The following PTPRH variants were observed in gnomAD, a reference collection of about 807,000 sequenced individuals.
The protein encoded by PTPRH is receptor-type tyrosine-protein phosphatase H.
A neutral mutation model predicts 130.2 loss-of-function variants in PTPRH; 113 were observed. The observed-to-expected ratio is 0.87, with a 90% CI of 0.75 to 1.01. PTPRH has a LOEUF of 1.01. Ranked by LOEUF, PTPRH falls within the 50% of genes least tolerant of loss-of-function variation. The pLI, the probability that PTPRH is intolerant of heterozygous loss-of-function variation, is 0.00. For missense variants in PTPRH, 1,430 were observed against 1,425.0 expected, an observed-to-expected ratio of 1.00 and a Z score of -0.06; for synonymous variants, 556 against 577.9, an observed-to-expected ratio of 0.96 and a Z score of 0.54.
At chr19:55,189,346 C>T (rs527456104) in intron 12 of PTPRH, among the ~76,000 whole-genome samples, 1 of 152,314 alleles carries the variant, frequency 6.6e-6, no homozygotes, top group East Asian at 1.9e-4. Context: ...ACATGTTAGA[C>T]TGTGTCACTA....
chr19:55,187,989 G>T (rs764438581), intron 13 of PTPRH, 89 bp downstream of exon 13: 82 of 770,548 alleles, frequency 1.1e-4, no homozygotes, highest in Non-Finnish European at 1.6e-4. Context: ...GCTTAATCCC[G>T]AAAGCCGTGA....
At position 55,196,552 on chromosome 19, in the gene PTPRH, G is replaced by A; in HGVS notation, c.2227C>T (p.His743Tyr). ...TIWDGMKVVS[H>Y]SVVCHTESAG... ...CTCTCGGTGTGGCAGACCACAGAGTGAGACACGACCTTCATTCCGTCCCAG... is the reference window on the plus strand; with the variant it reads ...CTCTCGGTGTGGCAGACCACAGAGTAAGACACGACCTTCATTCCGTCCCAG... The change falls in exon 10 of 20, where the codon CAC becomes TAC. Residue 743 changes from histidine (H) to tyrosine (Y), a missense_variant. Coordinates refer to ENST00000376350, the MANE Select transcript of PTPRH (RefSeq NM_002842.5). 1 of 1,612,902 alleles carries A rather than the reference G, an allele frequency of 6.2e-7. No individual in the cohort carries two copies.
At chr19:55,195,520 C>A (rs555337185) in intron 10 of PTPRH, among the ~76,000 whole-genome samples, 1 of 152,102 alleles carries the variant, frequency 6.6e-6, no homozygotes, top group Non-Finnish European at 1.5e-5. Context: ...AACAAAAAAA[C>A]AAATTATGCT....
chr19:55,209,264 T>G lies in PTPRH; in HGVS notation c.51+119A>C. 2.3e-6 allele frequency: 2 copies of G among 877,462 alleles called. No individual in the cohort carries two copies. The highest frequency in any genetic ancestry group is 3.7e-6 in the Non-Finnish European group (2 of 535,668). The allele number at this position is 877,462 out of a possible 1,614,324, so 54.4% of individuals were successfully genotyped here. A position where few individuals can be genotyped will look rare whatever the true frequency, so the allele number is the denominator to read the frequency against. ...TCTGCCAAGCCTGAAGCCCTCTTCC[T>G]TCTCCAGGGGATCTTCAGCACCTAC... On this transcript the variant is annotated intron_variant, in intron 1 of 19. Transcript: ENST00000376350. The surrounding 1 kb of genome is among the most constrained non-coding windows in gnomAD (Gnocchi z 4.1).
Position 55,181,775 on chromosome 19 carries a change from C to T in PTPRH, c.3327G>A (p.Gln1109=). 6.2e-7 allele frequency: 1 copy of T among 1,614,152 alleles called. No individual in the cohort carries two copies. Among genetic ancestry groups the T allele is most frequent in the Non-Finnish European group, 8.5e-7 (1 of 1,180,040 alleles). ...TCACTTAGACCTCCAACTTGTGGGCCTGGATGGCGGCCACGTTCTCGTAGA... is the reference window on the plus strand; with the variant it reads ...TCACTTAGACCTCCAACTTGTGGGCTTGGATGGCGGCCACGTTCTCGTAGA... ...NLIYENVAAI[Q]AHKLEV is the part of the protein sequence containing the mutation. The change falls in exon 20 of 20, where the codon CAG becomes CAA. Residue 1109 remains glutamine (Q), a synonymous_variant. Coordinates refer to ENST00000376350, the MANE Select transcript of PTPRH (RefSeq NM_002842.5).
Position 55,200,292 on chromosome 19 carries a change from A to T in PTPRH, c.1364T>A (p.Val455Glu). 2 of 1,614,168 alleles carry T rather than the reference A, an allele frequency of 1.2e-6. No homozygotes were observed. The highest frequency in any genetic ancestry group is 1.7e-6 in the Non-Finnish European group (2 of 1,180,002). The change falls in exon 7 of 20, where the codon GTA (valine) becomes GAA (glutamate). Residue 455 changes from valine to glutamate, a missense_variant. Coordinates refer to ENST00000376350, the MANE Select transcript of PTPRH (RefSeq NM_002842.5). Reference protein sequence around the residue: ...LEPGTLYTFSVWAEKNGARGS... With the variant: ...LEPGTLYTFSEWAEKNGARGS... ...ACGTGCTCCATTTTTTTCTGCCCAT[A>T]CAGAGAATGTGTACAAGGTTCCGGG...
chr19:55,183,773 C>T (rs73935322), intron 18 of PTPRH, among the ~76,000 whole-genome samples: 2,618 of 152,224 alleles, frequency 0.017, 80 homozygotes, highest in African/African-American at 0.059. Context: ...ACACTCACAA[C>T]GCTGTGCAGC....
chr19:55,200,146 A>G, intron 7 of PTPRH, 90 bp downstream of exon 7: 1 of 1,436,052 alleles, frequency 7.0e-7, no homozygotes, highest in South Asian at 1.3e-5. Flanking sequence ...CCTACGGACT[A>G]CAGAGCCAGA....
chr19:55,194,415 A>G, intron 10 of PTPRH: 1 of 1,058,720 alleles, frequency 9.4e-7, no homozygotes, highest in South Asian at 1.6e-5. Context: ...CTGTTCTCTC[A>G]GGGATCCTTG....
chr19:55,204,190 G>T, intron 4 of PTPRH, 142 bp from the exon 5 acceptor site: 1 of 917,342 alleles, frequency 1.1e-6, no homozygotes, highest in Non-Finnish European at 1.6e-6. Context: ...CACGATCTCG[G>T]CTCACCACAG....
chr19:55,200,811 C>T (rs2086837654), intron 6 of PTPRH, among the ~76,000 whole-genome samples: 1 of 152,076 alleles, frequency 6.6e-6, no homozygotes, highest in African/African-American at 2.4e-5. Flanking sequence ...GGCGTGGTGG[C>T]TGGTGCCTGT....
chr19:55,191,946 A>G, intron 10 of PTPRH: 1 of 671,984 alleles, frequency 1.5e-6, no homozygotes, highest in Non-Finnish European at 2.7e-6. Context: ...CAGCAAGACC[A>G]GCCCCTCTCC....
intron 12 of PTPRH, among the ~76,000 whole-genome samples, chr19:55,190,637 T>C (rs1327954556): frequency 2.8e-5 from 4 of 140,432 alleles, no homozygotes; most frequent in Admixed American, 1.6e-4. Flanking sequence ...TATATATATA[T>C]AATTTTTTTT....
chr19:55,198,680 C>A lies in PTPRH; in HGVS notation c.1653G>T (p.Glu551Asp). 1 of 1,613,462 alleles carries A rather than the reference C, an allele frequency of 6.2e-7. No homozygotes were observed. The highest frequency in any genetic ancestry group is 8.5e-7 in the Non-Finnish European group (1 of 1,179,664). Residue 551 changes from glutamate to aspartate, a missense_variant, in exon 8 of 20, where the codon GAG becomes GAT. Glu to Asp is a conservative substitution (Grantham distance 45). Transcript: ENST00000376350. Reference sequence around the variant, plus strand: ...TGAGGGTGCTGTTATAGCCTCTGACCTCATTCCTCTCGGCCCAGACGGTGA... The same window carrying A: ...TGAGGGTGCTGTTATAGCCTCTGACATCATTCCTCTCGGCCCAGACGGTGA... Reference protein sequence around the residue: ...YHLTVWAERNEVRGYNSTLTA... With the variant: ...YHLTVWAERNDVRGYNSTLTA...
At chr19:55,194,704 G>A (rs570151554) in intron 10 of PTPRH, among the ~76,000 whole-genome samples, 7 of 152,234 alleles carry the variant, frequency 4.6e-5, no homozygotes, top group African/African-American at 7.2e-5. Context: ...AATAAAACCC[G>A]GGGTGGGGGG....
At chr19:55,207,135 T>C (rs1203254253) in intron 2 of PTPRH, 31 bp downstream of exon 2, 1 of 1,611,670 alleles carries the variant, frequency 6.2e-7, no homozygotes, top group East Asian at 2.2e-5. Flanking sequence ...CCTCTTCGAG[T>C]GGGCAGTGAG....
chr19:55,187,189 C>CA (rs1309899687), intron 14 of PTPRH, among the ~76,000 whole-genome samples: 4 of 142,504 alleles, frequency 2.8e-5, no homozygotes, highest in African/African-American at 5.2e-5. Flanking sequence ...ACCAAAAATA[C>CA]AAAAAATTAG....
intron 3 of PTPRH, among the ~76,000 whole-genome samples, chr19:55,206,260 A>G (rs908252351): frequency 6.6e-6 from 1 of 151,018 alleles, no homozygotes; most frequent in African/African-American, 2.4e-5. Flanking sequence ...TATCTGATGG[A>G]CTACATAAAA....
At chr19:55,183,886 A>G (rs2086246547) in intron 18 of PTPRH, among the ~76,000 whole-genome samples, 1 of 152,150 alleles carries the variant, frequency 6.6e-6, no homozygotes, top group African/African-American at 2.4e-5. Context: ...CAGGGCCTGG[A>G]AGCTACTAAT....
Sources: gnomAD v4.1 joint callset for allele counts (sites outside exome capture counted in the v4.1 genomes callset) on GRCh38, gnomAD v4.1.1 for gene constraint, Gnocchi (gnomAD v3.1) non-coding constraint, MANE v1.5 for transcripts, NCBI Gene and HGNC (gene_info 2026-07-23, HGNC 2026-07-21) for gene names.